Variants in SLC9C1 observed in about 807,000 individuals in gnomAD.
The protein encoded by SLC9C1 is solute carrier family 9 member C1.
In SLC9C1, 97 loss-of-function variants were observed where a neutral mutation model predicts 140.9. That is an observed-to-expected ratio of 0.69 (90% CI 0.58 to 0.82). SLC9C1 has a LOEUF of 0.82. Ranked by LOEUF, SLC9C1 falls within the 40% of genes least tolerant of loss-of-function variation. The pLI, the probability that SLC9C1 is intolerant of heterozygous loss-of-function variation, is 0.00. For missense variants in SLC9C1, 1,340 were observed against 1,389.3 expected (o/e 0.96, Z 0.56); for synonymous variants, 440 against 442.6 (o/e 0.99, Z 0.07).
At chr3:112,154,939 A>G in intron 27 of SLC9C1, 58 bp downstream of exon 27, 1 of 1,491,102 alleles carries the variant, frequency 6.7e-7, no homozygotes, top group Non-Finnish European at 9.2e-7. Flanking sequence ...AGTTTCCATA[A>G]ATTCTAGACT....
chr3:112,259,440 A>T (rs4682387), intron 10 of SLC9C1, among the ~76,000 whole-genome samples: 44,041 of 150,456 alleles, frequency 0.29, 6,965 homozygotes, highest in East Asian at 0.42. Context: ...AAAGCAAAAA[A>T]CATAAACCAA....
At chr3:112,182,085 ATTTG>A (rs2077449508) in intron 21 of SLC9C1, 44 bp downstream of exon 21, 2 of 1,252,514 alleles carry the variant, frequency 1.6e-6, no homozygotes, top group Non-Finnish European at 2.1e-6. Flanking sequence ...TTTAAAGATT[ATTTG>A]TTAGTACATT....
intron 11 of SLC9C1, among the ~76,000 whole-genome samples, chr3:112,242,678 AC>A (rs1179499863): frequency 1.3e-5 from 2 of 152,226 alleles, no homozygotes; most frequent in African/African-American, 4.8e-5. Flanking sequence ...CTAAAAGAGC[AC>A]AATTGGATTG....
intron 3 of SLC9C1, 82 bp from the exon 4 acceptor site, chr3:112,278,939 C>T: frequency 2.1e-6 from 3 of 1,417,146 alleles, no homozygotes; most frequent in East Asian, 2.5e-5. Flanking sequence ...CTAAATCTAA[C>T]AGTAGAGAAA....
chr3:112,271,561 A>T lies in SLC9C1; in HGVS notation c.614-1484T>A, dbSNP rs553405885. 5.9e-5 allele frequency among the ~76,000 whole-genome samples: 9 copies of T among 152,174 alleles called. No homozygotes were observed. The East Asian group carries it at 1.5e-3, about 26-fold the overall frequency. On this transcript the variant is annotated intron_variant, in intron 6 of 28. Coordinates refer to ENST00000305815, the MANE Select transcript of SLC9C1 (RefSeq NM_183061.3). ...AGTTTATTTTCAACTGCTAAAAGCC[A>T]CGCTTAAGTTTGTAAAATTTGGTCA...
intron 10 of SLC9C1, among the ~76,000 whole-genome samples, chr3:112,244,325 A>C (rs988082797): frequency 2.0e-5 from 3 of 152,206 alleles, no homozygotes; most frequent in African/African-American, 7.2e-5. Context: ...TGACAAGTAA[A>C]TCAATACTTA....
intron 26 of SLC9C1, among the ~76,000 whole-genome samples, chr3:112,161,928 T>C (rs1176742030): frequency 6.6e-6 from 1 of 151,760 alleles, no homozygotes; most frequent in East Asian, 1.9e-4. Flanking sequence ...CATTTGTTTG[T>C]ATCCTCTTTT....
At chr3:112,293,841 T>C (rs552798393) in intron 1 of SLC9C1, among the ~76,000 whole-genome samples, 12 of 152,004 alleles carry the variant, frequency 7.9e-5, no homozygotes, top group African/African-American at 2.7e-4. Flanking sequence ...TCACAAAGAG[T>C]TGATGTAAAA....
chr3:112,245,966 T>G (rs924259373), intron 10 of SLC9C1, among the ~76,000 whole-genome samples: 19 of 152,264 alleles, frequency 1.2e-4, no homozygotes, highest in African/African-American at 4.3e-4. Context: ...CTTTTTTTTT[T>G]GTAAGTCAGG....
intron 11 of SLC9C1, among the ~76,000 whole-genome samples, chr3:112,240,475 T>C (rs981247293): frequency 1.3e-5 from 2 of 152,230 alleles, no homozygotes; most frequent in Admixed American, 6.5e-5. Context: ...ATTGGTAGAC[T>C]GAGTAAAGTA....
intron 13 of SLC9C1, among the ~76,000 whole-genome samples, chr3:112,229,113 G>A (rs1293356237): frequency 1.3e-5 from 2 of 152,074 alleles, no homozygotes; most frequent in Admixed American, 6.6e-5. Context: ...ATATATGGAA[G>A]CTATAAAAGT....
chr3:112,217,561 T>A lies in SLC9C1; in HGVS notation c.1671A>T (p.Lys557Asn), dbSNP rs749486838. ...TCTTTATTGTATCAAGACTCATACA[T>A]CTAGAAAAAGAGAGAAATCTTTAAA... The part of the protein sequence containing the change: ...AAESFGEKKG[K>N]CMSLDTIKNY... Residue 557 changes from lysine to asparagine, a missense_variant and splice_region_variant, in exon 15 of 29, where the codon AAA becomes AAT. Coordinates refer to ENST00000305815, the MANE Select transcript of SLC9C1 (RefSeq NM_183061.3). 9 of 1,571,056 alleles carry A rather than the reference T, an allele frequency of 5.7e-6. No individual in the cohort carries two copies. The Admixed American group carries it at 1.8e-4, about 32-fold the overall frequency.
intron 1 of SLC9C1, among the ~76,000 whole-genome samples, chr3:112,291,526 C>T (rs1382547823): frequency 6.6e-6 from 1 of 152,098 alleles, no homozygotes; most frequent in Non-Finnish European, 1.5e-5. Context: ...AGCTTAACAT[C>T]ACTGATCATT....
At chr3:112,214,581 C>A (rs77273807) in intron 15 of SLC9C1, among the ~76,000 whole-genome samples, 114,809 of 152,038 alleles carry the variant, frequency 0.76, 43,751 homozygotes, top group East Asian at 0.99. Context: ...ACTATAAACA[C>A]CTCTACACAA....
intron 20 of SLC9C1, among the ~76,000 whole-genome samples, chr3:112,184,720 C>T (rs1186875292): frequency 6.6e-6 from 1 of 152,220 alleles, no homozygotes; most frequent in African/African-American, 2.4e-5. Flanking sequence ...AGGGTGGCTG[C>T]TGTCCACTAA....
intron 20 of SLC9C1, among the ~76,000 whole-genome samples, chr3:112,185,287 G>A (rs1310915770): frequency 6.7e-6 from 1 of 149,240 alleles, no homozygotes; most frequent in Non-Finnish European, 1.5e-5. Flanking sequence ...GGGGTATTGA[G>A]GACAATCCAC....
intron 10 of SLC9C1, among the ~76,000 whole-genome samples, chr3:112,256,115 CA>C (rs1337341638): frequency 6.6e-6 from 1 of 152,004 alleles, no homozygotes; most frequent in Non-Finnish European, 1.5e-5. Flanking sequence ...AGCCATGGAC[CA>C]GACAAATTTG....
In SLC9C1 at chr3:112,182,265, C is replaced by T. The variant is rs756892099; in HGVS notation, c.2524-7G>A. The T allele has an allele frequency of 6.3e-7, 1 of 1,594,040 alleles. No individual in the cohort carries two copies. Among genetic ancestry groups the T allele is most frequent in the South Asian group, 1.2e-5 (1 of 86,154 alleles). On this transcript the variant is annotated splice_polypyrimidine_tract_variant and splice_region_variant and intron_variant, in intron 20 of 28. Transcript: ENST00000305815. ...TCTTTTTGGCCATGATTAACTAAAA[C>T]ATAAAATTTAAGAAAAGGGATGAAC...
At position 112,262,934 on chromosome 3, in the gene SLC9C1, T is replaced by A; in HGVS notation, c.1187A>T (p.Glu396Val). The stretch of plus-strand genomic sequence containing the variant: ...TACAGCTTTCTTTACTTGAGATTTT[T>A]CTTTGTCAGATCCAAAATAAAGATC... Reference protein sequence around the residue: ...YSDLYFGSDKEKSQILFHGVL... With the variant: ...YSDLYFGSDKVKSQILFHGVL... Residue 396 changes from glutamate to valine, a missense_variant, in exon 10 of 29, where the codon GAA becomes GTA. Transcript: ENST00000305815. 1.3e-6 allele frequency: 2 copies of A among 1,572,828 alleles called. No homozygotes were observed. The highest frequency in any genetic ancestry group is 1.7e-6 in the Non-Finnish European group (2 of 1,166,524).
Sources: allele counts gnomAD v4.1 joint callset (sites outside exome capture counted in the v4.1 genomes callset), GRCh38; gene constraint gnomAD v4.1.1; transcripts MANE v1.5; gene names NCBI Gene and HGNC (gene_info 2026-07-23, HGNC 2026-07-21).